The following SORL1-AS1 variants were observed in gnomAD, a reference collection of about 807,000 sequenced individuals.
SORL1-AS1 encodes the protein lncRNA 51 A.
At chr11:121,440,647 T>C in the SORL1-AS1 span, among the ~76,000 whole-genome samples, 3 of 152,194 alleles carry the variant, frequency 2.0e-5, no homozygotes, top group Admixed American at 2.0e-4. Flanking sequence ...CCTTAATACT[T>C]CTTTCTTGAA....
downstream of SORL1-AS1, among the ~76,000 whole-genome samples, chr11:121,443,255 G>A (rs963187611): frequency 2.6e-5 from 4 of 152,178 alleles, no homozygotes; most frequent in Admixed American, 6.5e-5. Context: ...TGGAGCTAGC[G>A]TTGGACTTTC....
rs758724726 is a variant in SORL1-AS1, at chr11:121,450,526, G to C, written n.340-627C>G. Among the ~76,000 whole-genome samples, 68 of 152,064 alleles carry C rather than the reference G, an allele frequency of 4.5e-4. No homozygotes were observed. The highest frequency in any genetic ancestry group is 7.9e-4 in the Non-Finnish European group (54 of 68,020). On this transcript the variant is annotated intron_variant and non_coding_transcript_variant, in intron 1 of 1. Transcript: ENST00000501964. This position sits in a 1 kb window ranked among gnomAD's most constrained non-coding sequence, Gnocchi z 5.2. ...GAGCTGAATTGCACAATATGAGCAA[G>C]GCGTTCCTCTCAGCTTCAAAACCAG...
downstream of SORL1-AS1, among the ~76,000 whole-genome samples, chr11:121,444,097 T>G (rs939194311): frequency 9.5e-6 from 1 of 105,778 alleles, no homozygotes; most frequent in Non-Finnish European, 2.1e-5. Context: ...TGCGCGTGGG[T>G]GTGTGTGTGT....
intron 1 of SORL1-AS1, among the ~76,000 whole-genome samples, chr11:121,451,355 A>G (rs1860789444): frequency 6.6e-6 from 1 of 152,186 alleles, no homozygotes; most frequent in Admixed American, 6.5e-5. Context: ...GTAGGGTTAA[A>G]GTGTGTCCTC....
rs1193020306 is a variant in SORL1-AS1 at position 121,449,507 on chromosome 11, A to T, written n.732T>A. ...GGGTCCTGAAGGTTTGGGAGTGGTC[A>T]GGGCTGAAAGGTGTCTTTTCATTTA... On this transcript the variant is annotated non_coding_transcript_exon_variant, in exon 2 of 2. Transcript: ENST00000501964. 5 of 152,332 alleles carry T rather than the reference A, an allele frequency of 3.3e-5. No homozygotes were observed. The East Asian group carries it at 9.6e-4, about 29-fold the overall frequency. The allele number at this position is 152,332 out of a possible 1,614,324, so 9.4% of individuals were successfully genotyped here.
In SORL1-AS1 at chr11:121,452,383, C is replaced by A; in HGVS notation, n.339+292G>T. On this transcript the variant is annotated intron_variant and non_coding_transcript_variant, in intron 1 of 1. Transcript: ENST00000501964. The surrounding 1 kb of genome is among the most constrained non-coding windows in gnomAD (Gnocchi z 5.3). ...GTCGCGACTCCCGTTCCTATTCACC[C>A]TGGTCGCACTGCTGCCGCCCGGAGC... 1 of 1,549,894 alleles carries A rather than the reference C, an allele frequency of 6.5e-7. No homozygotes were observed. The highest frequency in any genetic ancestry group is 2.6e-5 in the East Asian group (1 of 38,354).
intron 1 of SORL1-AS1, among the ~76,000 whole-genome samples, chr11:121,451,379 TG>T (rs1273425823): frequency 1.3e-5 from 2 of 152,098 alleles, no homozygotes; most frequent in Admixed American, 1.3e-4. Context: ...CCTCTGTGGG[TG>T]TTTGCCTAGC....
chr11:121,446,905 T>C (rs1363442209), downstream of SORL1-AS1, among the ~76,000 whole-genome samples: 1 of 152,200 alleles, frequency 6.6e-6, no homozygotes, highest in Admixed American at 6.5e-5. Context: ...TCCAAGCTGA[T>C]TGGTCACATC....
chr11:121,448,227 G>C (rs1860747667), exon 2 of SORL1-AS1: 1 of 152,176 alleles, frequency 6.6e-6, no homozygotes, highest in South Asian at 2.1e-4. Context: ...GCTATTTCCA[G>C]AAACTCCTCT....
At chr11:121,442,829 C>A, downstream of SORL1-AS1, among the ~76,000 whole-genome samples, 1 of 150,642 alleles carries the variant, frequency 6.6e-6, no homozygotes, top group Admixed American at 6.6e-5. Context: ...CAGGCGCCCA[C>A]CACCACGCCC....
chr11:121,438,913 CT>C, the SORL1-AS1 span, among the ~76,000 whole-genome samples: 3 of 152,202 alleles, frequency 2.0e-5, no homozygotes, highest in African/African-American at 4.8e-5. Context: ...GTAGTCCCAG[CT>C]ACCTGGGAGG....
the SORL1-AS1 span, among the ~76,000 whole-genome samples, chr11:121,442,010 A>G: frequency 6.6e-6 from 1 of 152,194 alleles, no homozygotes; most frequent in South Asian, 2.1e-4. Flanking sequence ...ATTCATGCCC[A>G]ATCATTAGTT....
At chr11:121,445,763 T>C (rs1010096321), downstream of SORL1-AS1, among the ~76,000 whole-genome samples, 7 of 152,044 alleles carry the variant, frequency 4.6e-5, no homozygotes, top group African/African-American at 1.7e-4. Flanking sequence ...AGTACTCATC[T>C]TTTTTCCCCC....
At chr11:121,445,012 G>A (rs772553335), downstream of SORL1-AS1, among the ~76,000 whole-genome samples, 5 of 152,158 alleles carry the variant, frequency 3.3e-5, no homozygotes, top group Non-Finnish European at 7.3e-5. Flanking sequence ...AGGTCTGTTG[G>A]TATGATCCAA....
chr11:121,443,618 G>A (rs1443013891), downstream of SORL1-AS1, among the ~76,000 whole-genome samples: 1 of 152,194 alleles, frequency 6.6e-6, no homozygotes, highest in East Asian at 1.9e-4. Context: ...CACGTTTGAA[G>A]GGACTTCATC....
the SORL1-AS1 span, among the ~76,000 whole-genome samples, chr11:121,439,071 C>T: frequency 1.3e-5 from 2 of 152,140 alleles, no homozygotes; most frequent in African/African-American, 2.4e-5. Context: ...TATTCTTATC[C>T]AACTTTTTTT....
Position 121,452,536 on chromosome 11 carries a change from G to A in SORL1-AS1, n.339+139C>T, listed in dbSNP as rs574929049. 73 of 1,489,096 alleles carry A rather than the reference G, an allele frequency of 4.9e-5. No individual in the cohort carries two copies. In the South Asian group the frequency reaches 7.9e-4, roughly 16 times the overall value. 92.2% of individuals were successfully genotyped at this position (1,489,096 alleles called of 1,614,324 possible). On this transcript the variant is annotated intron_variant and non_coding_transcript_variant, in intron 1 of 1. Transcript: ENST00000501964. This position sits in a 1 kb window ranked among gnomAD's most constrained non-coding sequence, Gnocchi z 5.3. ...GTGGGCGCGCGGGGATGCCAGGGGGGCGAGCCGCGCGGACGAGAAGCCGCT... is the reference window on the plus strand; with the variant it reads ...GTGGGCGCGCGGGGATGCCAGGGGGACGAGCCGCGCGGACGAGAAGCCGCT...
At chr11:121,441,529 T>TAAAAAAA in the SORL1-AS1 span, among the ~76,000 whole-genome samples, 1 of 62,166 alleles carries the variant, frequency 1.6e-5, no homozygotes, top group Non-Finnish European at 2.7e-5. Context: ...AGACTCTGTC[T>TAAAAAAA]CAAAAAAAAA....
chr11:121,445,633 G>A (rs942641530), downstream of SORL1-AS1, among the ~76,000 whole-genome samples: 9 of 151,506 alleles, frequency 5.9e-5, no homozygotes, highest in Admixed American at 2.6e-4. Context: ...GCTTCCTCCC[G>A]GAACCAGAGC....
Sources: allele counts gnomAD v4.1 joint callset (sites outside exome capture counted in the v4.1 genomes callset), GRCh38; gene constraint gnomAD v4.1.1; non-coding constraint Gnocchi (gnomAD v3.1); transcripts MANE v1.5; gene names NCBI Gene and HGNC (gene_info 2026-07-23, HGNC 2026-07-21).